ANKH: variants seen among roughly 807,000 people sequenced by gnomAD.
The protein encoded by ANKH is ANKH inorganic pyrophosphate transport regulator.
ANKH carries 15 observed loss-of-function variants against 49.0 expected under a neutral mutation model. The ratio of observed to expected loss-of-function variants is 0.31; its 90% CI spans 0.20 to 0.47. The LOEUF (loss-of-function observed/expected upper bound fraction) is 0.47, where lower values mean the gene tolerates loss of function less well. Among genes scored for constraint, ANKH ranks in the 20% least tolerant of loss-of-function variants. The pLI, the probability that ANKH is intolerant of heterozygous loss-of-function variation, is 1.00. For synonymous variants in ANKH, 273 were observed against 260.0 expected, an observed-to-expected ratio of 1.05 and a Z score of -0.48; for missense variants, 429 against 652.0, an observed-to-expected ratio of 0.66 and a Z score of 3.72.
chr5:14,858,559 T>C (rs1735363417), intron 1 of ANKH, among the ~76,000 whole-genome samples: 1 of 151,832 alleles, frequency 6.6e-6, no homozygotes, highest in African/African-American at 2.4e-5. Context: ...CTACTAAAAA[T>C]ACAAAAATTA....
chr5:14,821,321 C>A (rs1023649751), intron 1 of ANKH, among the ~76,000 whole-genome samples: 1 of 152,114 alleles, frequency 6.6e-6, no homozygotes, highest in Non-Finnish European at 1.5e-5. Flanking sequence ...AAAATGAGGG[C>A]CATCTGGTTG....
chr5:14,858,471 C>T (rs1735358305), intron 1 of ANKH, among the ~76,000 whole-genome samples: 1 of 152,182 alleles, frequency 6.6e-6, no homozygotes, highest in South Asian at 2.1e-4. Context: ...AATCCTAACA[C>T]TTTGGGAGGC....
chr5:14,835,888 A>G (rs1483616274), intron 1 of ANKH, among the ~76,000 whole-genome samples: 4 of 152,194 alleles, frequency 2.6e-5, no homozygotes, highest in Admixed American at 6.5e-5. Flanking sequence ...GGCAAATCGA[A>G]TCCAGCAGCA....
chr5:14,797,010 C>T, intron 1 of ANKH: 4 of 1,139,748 alleles, frequency 3.5e-6, no homozygotes, highest in East Asian at 4.0e-5. Flanking sequence ...ATCGGTGGTA[C>T]CTATTATATA....
intron 1 of ANKH, among the ~76,000 whole-genome samples, chr5:14,854,283 G>T (rs1296362701): frequency 6.6e-6 from 1 of 152,094 alleles, no homozygotes; most frequent in African/African-American, 2.4e-5. Context: ...TTCATAACTT[G>T]TATTCTCTCA....
chr5:14,744,955 C>T (rs1430436954), intron 7 of ANKH, among the ~76,000 whole-genome samples: 1 of 152,160 alleles, frequency 6.6e-6, no homozygotes, highest in East Asian at 1.9e-4. Context: ...CCAGCATTAC[C>T]CAGGGTCCAA....
chr5:14,717,402 T>C (rs769828675), intron 8 of ANKH, among the ~76,000 whole-genome samples: 1 of 152,190 alleles, frequency 6.6e-6, no homozygotes, highest in Non-Finnish European at 1.5e-5. Context: ...GGAAAGCAGA[T>C]GGGCAGATGG....
intron 2 of ANKH, among the ~76,000 whole-genome samples, chr5:14,761,828 C>T (rs965600883): frequency 2.0e-5 from 3 of 151,276 alleles, no homozygotes; most frequent in African/African-American, 7.3e-5. Context: ...TGCAGTGGCG[C>T]AATCTCAGCT....
intron 8 of ANKH, among the ~76,000 whole-genome samples, chr5:14,727,955 C>T (rs1274376240): frequency 6.6e-6 from 1 of 152,222 alleles, no homozygotes; most frequent in Non-Finnish European, 1.5e-5. Flanking sequence ...GACACATGTG[C>T]ATCTGCCCTG....
chr5:14,845,369 T>A (rs1199925970), intron 1 of ANKH, among the ~76,000 whole-genome samples: 7,494 of 50,802 alleles, frequency 0.15, 226 homozygotes, highest in South Asian at 0.25. Flanking sequence ...TATATATATT[T>A]TTTTTTTTAC....
chr5:14,712,970 C>T lies in ANKH; in HGVS notation c.1269G>A (p.Val423=), dbSNP rs750645842. The T allele has an allele frequency of 3.1e-6, 5 of 1,612,580 alleles. No homozygotes were observed. The highest frequency in any genetic ancestry group is 3.4e-6 in the Non-Finnish European group (4 of 1,179,526). ...ASLVVLPYLG[V]HGATLGVGSL... ...AGCCCACGCCCAGGGTCGCACCGTG[C>T]ACCCTGCAGATGAGAACACAAAGGC... is the stretch of plus-strand genomic sequence containing the variant. The change falls in exon 11 of 12, where the codon GTG becomes GTA. Residue 423 remains valine (V), a synonymous_variant. Coordinates refer to ENST00000284268, the MANE Select transcript of ANKH (RefSeq NM_054027.6).
intron 1 of ANKH, among the ~76,000 whole-genome samples, chr5:14,830,711 C>T (rs1298068705): frequency 6.6e-6 from 1 of 152,176 alleles, no homozygotes; most frequent in Non-Finnish European, 1.5e-5. Context: ...TGTCTATTTT[C>T]CCAAACTGCC....
At chr5:14,758,834 G>C (rs995827666) in intron 2 of ANKH, among the ~76,000 whole-genome samples, 1 of 152,164 alleles carries the variant, frequency 6.6e-6, no homozygotes, top group African/African-American at 2.4e-5. Context: ...GTGTTTTAAC[G>C]TAAAAACGAG....
intron 6 of ANKH, 152 bp downstream of exon 6, chr5:14,749,020 G>A (rs1009844265): frequency 7.1e-6 from 8 of 1,127,918 alleles, no homozygotes; most frequent in African/African-American, 3.1e-5. Context: ...ATAAGTCACC[G>A]AACGAGATCT....
chr5:14,724,827 G>A (rs1213841709), intron 8 of ANKH, among the ~76,000 whole-genome samples: 1 of 152,290 alleles, frequency 6.6e-6, no homozygotes, highest in African/African-American at 2.4e-5. Context: ...ACCACCCTAT[G>A]AGGGCACTGC....
intron 8 of ANKH, among the ~76,000 whole-genome samples, chr5:14,719,979 C>G (rs1737610069): frequency 6.6e-6 from 1 of 152,164 alleles, no homozygotes; most frequent in Admixed American, 6.5e-5. Flanking sequence ...TACAATAAAA[C>G]TGAATACATT....
intron 7 of ANKH, among the ~76,000 whole-genome samples, chr5:14,744,564 C>CGT (rs58357814): frequency 0.3 from 45,897 of 151,966 alleles, 8,135 homozygotes; most frequent in African/African-American, 0.5. Flanking sequence ...TGGAGGTGGA[C>CGT]GTGTGTGTGT....
chr5:14,747,363 T>C (rs1738571121), intron 6 of ANKH, among the ~76,000 whole-genome samples: 1 of 152,160 alleles, frequency 6.6e-6, no homozygotes, highest in South Asian at 2.1e-4. Flanking sequence ...GAGAATTGCT[T>C]GAGCCTGGGA....
At chr5:14,723,990 C>G (rs959179717) in intron 8 of ANKH, among the ~76,000 whole-genome samples, 39 of 152,242 alleles carry the variant, frequency 2.6e-4, no homozygotes, top group Non-Finnish European at 8.8e-5. Context: ...TTTGGTTGAG[C>G]CTAACGTTGA....
Sources: gnomAD v4.1 joint callset for allele counts (sites outside exome capture counted in the v4.1 genomes callset) on GRCh38, gnomAD v4.1.1 for gene constraint, MANE v1.5 for transcripts, NCBI Gene and HGNC (gene_info 2026-07-23, HGNC 2026-07-21) for gene names.